The following GABRG3 variants were observed in gnomAD, a reference collection of about 807,000 sequenced individuals.
The protein encoded by GABRG3 is gamma-aminobutyric acid type A receptor subunit gamma3, also known as gamma-aminobutyric acid receptor subunit gamma-3.
Under a neutral mutation model 48.8 loss-of-function variants are expected in GABRG3, and 25 were observed. That is an observed-to-expected ratio of 0.51 (90% CI 0.37 to 0.72). GABRG3 has a LOEUF of 0.72. Ranked by LOEUF, GABRG3 falls within the 30% of genes least tolerant of loss-of-function variation. The pLI is 0.00. For synonymous variants in GABRG3, 227 were observed against 217.6 expected (o/e 1.04, Z -0.38); for missense variants, 394 against 577.9 (o/e 0.68, Z 3.26).
intron 5 of GABRG3, among the ~76,000 whole-genome samples, chr15:27,347,975 G>A (rs1894432022): frequency 6.6e-6 from 1 of 151,950 alleles, no homozygotes; most frequent in South Asian, 2.1e-4. Context: ...CTCATTGTAA[G>A]GATGAGTGTG....
chr15:27,229,448 G>GTT (rs200778520), intron 3 of GABRG3, among the ~76,000 whole-genome samples: 42 of 141,312 alleles, frequency 3.0e-4, no homozygotes, highest in African/African-American at 1.1e-3. Context: ...GTGTGCCTAG[G>GTT]TTTTTTGTGT....
In GABRG3 at chr15:27,179,006, A is replaced by G. The variant is rs1013693233; in HGVS notation, c.271-147803A>G. 2.6e-5 allele frequency among the ~76,000 whole-genome samples: 4 copies of G among 152,148 alleles called. No homozygotes were observed. The highest frequency in any genetic ancestry group is 2.4e-5 in the African/African-American group (1 of 41,412). On this transcript the variant is annotated intron_variant, in intron 3 of 9. Coordinates refer to ENST00000615808, the MANE Select transcript of GABRG3 (RefSeq NM_033223.5). The surrounding 1 kb of genome is among the most constrained non-coding windows in gnomAD (Gnocchi z 4.0). ...TTGGGGAAGAGGGATTCTTGTTTCT[A>G]TGGCAGCCTCAGAGGAGAATGGGAC...
At chr15:27,302,002 A>G (rs944182008) in intron 3 of GABRG3, among the ~76,000 whole-genome samples, 2 of 152,100 alleles carry the variant, frequency 1.3e-5, no homozygotes, top group African/African-American at 4.8e-5. Context: ...CTCTCAGATG[A>G]AGGTAAACTA....
chr15:27,179,126 AAAGAAAACTCATGG>A lies in GABRG3; in HGVS notation c.271-147679_271-147666del, dbSNP rs1887840789. On this transcript the variant is annotated intron_variant, in intron 3 of 9. Coordinates refer to ENST00000615808, the MANE Select transcript of GABRG3 (RefSeq NM_033223.5). The surrounding 1 kb of genome is among the most constrained non-coding windows in gnomAD (Gnocchi z 4.0). Reference sequence around the variant, plus strand: ...TCTATCCCCAATAAAACAAATAAACAAAGAAAACTCATGGAAGCTTACAAGTCAGAAATTATGAA... The same window carrying A: ...TCTATCCCCAATAAAACAAATAAACAAAGCTTACAAGTCAGAAATTATGAA... Among the ~76,000 whole-genome samples, 1 of 152,224 alleles carries A rather than the reference AAAGAAAACTCATGG, an allele frequency of 6.6e-6. No individual in the cohort carries two copies. The highest frequency in any genetic ancestry group is 6.5e-5 in the Admixed American group (1 of 15,284).
intron 2 of GABRG3, among the ~76,000 whole-genome samples, chr15:27,023,262 T>G (rs1479549507): frequency 6.6e-6 from 1 of 152,148 alleles, no homozygotes; most frequent in African/African-American, 2.4e-5. Context: ...TACCTTCATA[T>G]CCCCATCTTT....
chr15:27,426,331 G>A (rs1888291060), intron 5 of GABRG3, among the ~76,000 whole-genome samples: 1 of 152,012 alleles, frequency 6.6e-6, no homozygotes, highest in South Asian at 2.1e-4. Flanking sequence ...CACACAAAAG[G>A]GCATGAAGGA....
intron 2 of GABRG3, among the ~76,000 whole-genome samples, chr15:27,020,123 G>C (rs191583402): frequency 1.5e-4 from 23 of 152,228 alleles, no homozygotes; most frequent in Non-Finnish European, 8.8e-5. Context: ...GGGGAACTGA[G>C]GCACAGAGAT....
chr15:27,152,496 A>C lies in GABRG3; in HGVS notation c.270+125675A>C, dbSNP rs539993844. 1.2e-4 allele frequency among the ~76,000 whole-genome samples: 18 copies of C among 152,292 alleles called. No homozygotes were observed. In the East Asian group the frequency reaches 3.3e-3, roughly 28 times the overall value. On this transcript the variant is annotated intron_variant, in intron 3 of 9. Transcript: ENST00000615808. ...TTTGCATCTCCATATGCACTTTAGC[A>C]TAATCTTCTCTGTTTCTACAGAAAT...
chr15:27,403,068 T>G (rs1368281878), intron 5 of GABRG3, among the ~76,000 whole-genome samples: 1 of 151,728 alleles, frequency 6.6e-6, no homozygotes, highest in African/African-American at 2.4e-5. Flanking sequence ...GATATAAATT[T>G]GAACAGTGAA....
intron 3 of GABRG3, among the ~76,000 whole-genome samples, chr15:27,038,862 TCTC>T (rs1896225131): frequency 6.6e-6 from 1 of 151,946 alleles, no homozygotes; most frequent in Non-Finnish European, 1.5e-5. Flanking sequence ...AAGAAACTGA[TCTC>T]CTGAGAGAGG....
At chr15:27,131,858 G>A (rs1244446536) in intron 3 of GABRG3, among the ~76,000 whole-genome samples, 1 of 151,770 alleles carries the variant, frequency 6.6e-6, no homozygotes, top group African/African-American at 2.4e-5. Context: ...CTGTGGTTTT[G>A]ATTTTTCATT....
At chr15:27,230,809 T>A (rs1052879324) in intron 3 of GABRG3, among the ~76,000 whole-genome samples, 1 of 152,044 alleles carries the variant, frequency 6.6e-6, no homozygotes, top group African/African-American at 2.4e-5. Flanking sequence ...AAAAAAAAAT[T>A]AAGTGTCTAA....
chr15:27,307,011 A>AT (rs1566769821), intron 3 of GABRG3, among the ~76,000 whole-genome samples: 4 of 122,126 alleles, frequency 3.3e-5, no homozygotes, highest in South Asian at 2.5e-4. Context: ...AACATGTATA[A>AT]ACATGTTTAT....
intron 5 of GABRG3, among the ~76,000 whole-genome samples, chr15:27,478,562 T>G (rs1004038735): frequency 2.0e-5 from 3 of 152,244 alleles, no homozygotes; most frequent in African/African-American, 7.2e-5. Flanking sequence ...TAGAATTTTA[T>G]GTTCCAGCCA....
chr15:26,997,521 G>C (rs1011746355), intron 2 of GABRG3, among the ~76,000 whole-genome samples: 1 of 152,004 alleles, frequency 6.6e-6, no homozygotes, highest in Non-Finnish European at 1.5e-5. Flanking sequence ...TATTTGTTTA[G>C]TAACTTACCT....
rs1566801429 is a variant in GABRG3, at chr15:27,352,690, T to C, written c.574+23802T>C. ...ATACCAAACCGTTGGGTGATATCGG[T>C]CTTGGTTATTGGTCCCTAGGATTGT... On this transcript the variant is annotated intron_variant, in intron 5 of 9. Coordinates refer to ENST00000615808, the MANE Select transcript of GABRG3 (RefSeq NM_033223.5). This position sits in a 1 kb window ranked among gnomAD's most constrained non-coding sequence, Gnocchi z 4.0. 6.6e-6 allele frequency among the ~76,000 whole-genome samples: 1 copy of C among 151,962 alleles called. No homozygotes were observed. The highest frequency in any genetic ancestry group is 1.5e-5 in the Non-Finnish European group (1 of 67,982).
intron 3 of GABRG3, among the ~76,000 whole-genome samples, chr15:27,130,719 A>G (rs1897901775): frequency 6.6e-6 from 1 of 152,076 alleles, no homozygotes. Context: ...TTCTTTCAGC[A>G]TACACGTCTG....
intron 3 of GABRG3, among the ~76,000 whole-genome samples, chr15:27,124,690 G>C (rs375759833): frequency 6.6e-6 from 1 of 152,272 alleles, no homozygotes; most frequent in East Asian, 1.9e-4. Flanking sequence ...CAGGGGAGTA[G>C]GGGGAAGGCC....
In GABRG3 at chr15:27,128,228, G is replaced by A. The variant is rs559705187; in HGVS notation, c.270+101407G>A. ...AAGATAAAATGTGGTTTGTTATTGCGAATAGTGCTTGGCGTCCATATCTGG... is the reference window on the plus strand; with the variant it reads ...AAGATAAAATGTGGTTTGTTATTGCAAATAGTGCTTGGCGTCCATATCTGG... On this transcript the variant is annotated intron_variant, in intron 3 of 9. Coordinates refer to ENST00000615808, the MANE Select transcript of GABRG3 (RefSeq NM_033223.5). 3.3e-5 allele frequency among the ~76,000 whole-genome samples: 5 copies of A among 152,266 alleles called. No individual in the cohort carries two copies. The South Asian group carries it at 6.2e-4, about 19-fold the overall frequency.
Sources: gnomAD v4.1 joint callset for allele counts (sites outside exome capture counted in the v4.1 genomes callset) on GRCh38, gnomAD v4.1.1 for gene constraint, Gnocchi (gnomAD v3.1) non-coding constraint, MANE v1.5 for transcripts, NCBI Gene and HGNC (gene_info 2026-07-23, HGNC 2026-07-21) for gene names.